The following MAP3K12 variants were observed in gnomAD, a reference collection of about 807,000 sequenced individuals.
MAP3K12 encodes MAPK-upstream kinase.
A neutral mutation model predicts 87.5 loss-of-function variants in MAP3K12; 14 were observed. The observed-to-expected ratio is 0.16, with a 90% CI of 0.11 to 0.25. The LOEUF (loss-of-function observed/expected upper bound fraction) is 0.25, where lower values mean the gene tolerates loss of function less well. MAP3K12 is among the 10% of genes least tolerant of loss of function. MAP3K12 has a pLI of 1.00. For synonymous variants in MAP3K12, 469 were observed against 452.5 expected (o/e 1.04, Z -0.46); for missense variants, 802 against 1,140.4 (o/e 0.70, Z 4.27).
In MAP3K12 at chr12:53,482,649, G is replaced by A. The variant is rs747887834; in HGVS notation, c.2154C>T (p.Thr718=). 1.1e-5 allele frequency: 18 copies of A among 1,613,850 alleles called. No homozygotes were observed. The highest frequency in any genetic ancestry group is 1.6e-4 in the Middle Eastern group (1 of 6,084). Residue 718 remains threonine (T), a synonymous_variant, in exon 11 of 14, where the codon ACC becomes ACT. Transcript: ENST00000547488. ...CAGCCCGGCTTCCTCCCCGGCCTGA[G>A]GTCCCTTCCCTTCCAGTTCCCAGAA... ...VGLLGTGREG[T]SGRGGSRAGS... is the part of the protein sequence containing the mutation.
rs773593022 is a variant in MAP3K12 at position 53,484,296 on chromosome 12, A to G, written c.1209T>C (p.Asp403=). 1.2e-6 allele frequency: 2 copies of G among 1,614,180 alleles called. No homozygotes were observed. Among genetic ancestry groups the G allele is most frequent in the Non-Finnish European group, 1.7e-6 (2 of 1,180,018 alleles). Residue 403 remains aspartate (D), a synonymous_variant, in exon 7 of 14, where the codon GAT becomes GAC. Coordinates refer to ENST00000547488, the MANE Select transcript of MAP3K12 (RefSeq NM_001193511.2). ...AAGTCTCCTGGGGTGTGGAGAGTAC[A>G]TCAGCTGAGGCAATGTCCAGATGCA... The part of the protein sequence containing the change: ...ILLHLDIASA[D]VLSTPQETYF...
chr12:53,486,627 G>A lies in MAP3K12; in HGVS notation c.446-5C>T, dbSNP rs1246445357. The A allele has an allele frequency of 3.9e-5, 62 of 1,579,182 alleles. No homozygotes were observed. Among genetic ancestry groups the A allele is most frequent in the Non-Finnish European group, 5.0e-5 (58 of 1,163,214 alleles). On this transcript the variant is annotated splice_polypyrimidine_tract_variant and splice_region_variant and intron_variant, in intron 2 of 13. Coordinates refer to ENST00000547488, the MANE Select transcript of MAP3K12 (RefSeq NM_001193511.2). This position sits in a 1 kb window ranked among gnomAD's most constrained non-coding sequence, Gnocchi z 4.9. ...CAAAGGGGACCTCCCAAAGGTCTGTGGGCAGGAGGCACAGTGCCACAAGCC... is the reference window on the plus strand; with the variant it reads ...CAAAGGGGACCTCCCAAAGGTCTGTAGGCAGGAGGCACAGTGCCACAAGCC...
rs375637895 is a variant in MAP3K12 at position 53,483,196 on chromosome 12, G to A, written c.1614-7C>T. 1.5e-4 allele frequency: 234 copies of A among 1,525,784 alleles called. No individual in the cohort carries two copies. The South Asian group carries it at 2.3e-3, about 15-fold the overall frequency. The allele number at this position is 1,525,784 out of a possible 1,614,324, so 94.5% of individuals were successfully genotyped here. ...CGTCTTGAGGATATCTGGCCTGGAA[G>A]AAGAGGAAAAGTAAAAGGTTAAGAC... On this transcript the variant is annotated splice_region_variant and splice_polypyrimidine_tract_variant and intron_variant, in intron 10 of 13. Transcript: ENST00000547488.
chr12:53,486,910 G>A lies in MAP3K12; in HGVS notation c.445+37C>T, dbSNP rs757228110. 22 of 1,606,460 alleles carry A rather than the reference G, an allele frequency of 1.4e-5. No individual in the cohort carries two copies. Among genetic ancestry groups the A allele is most frequent in the Non-Finnish European group, 1.9e-5 (22 of 1,174,538 alleles). On this transcript the variant is annotated intron_variant, in intron 2 of 13. Transcript: ENST00000547488. This position sits in a 1 kb window ranked among gnomAD's most constrained non-coding sequence, Gnocchi z 4.9. ...CTGACCAACAGATCTCGGGCTCAGG[G>A]AAACAGAGAGGAGGCTCCCACAAGG...
At chr12:53,482,254 G>C (rs377203611) in intron 12 of MAP3K12, 43 bp from the exon 13 acceptor site, 1 of 1,614,116 alleles carries the variant, frequency 6.2e-7, no homozygotes, top group East Asian at 2.2e-5. Context: ...TCTGCCCCTA[G>C]CAGAAAACAA....
At position 53,486,404 on chromosome 12, in the gene MAP3K12, T is replaced by C; in HGVS notation, c.629+35A>G. The C allele has an allele frequency of 6.2e-7, 1 of 1,609,122 alleles. No individual in the cohort carries two copies. Among genetic ancestry groups the C allele is most frequent in the Non-Finnish European group, 8.5e-7 (1 of 1,177,030 alleles). ...AGGAGGGTACCAGGCCTTAGCATAGTATCCCCAACACCCAGCCCCTGCCCT... is the reference window on the plus strand; with the variant it reads ...AGGAGGGTACCAGGCCTTAGCATAGCATCCCCAACACCCAGCCCCTGCCCT... On this transcript the variant is annotated intron_variant, in intron 3 of 13. Coordinates refer to ENST00000547488, the MANE Select transcript of MAP3K12 (RefSeq NM_001193511.2). The surrounding 1 kb of genome is among the most constrained non-coding windows in gnomAD (Gnocchi z 4.9).
intron 1 of MAP3K12, 30 bp from the exon 2 acceptor site, chr12:53,487,458 C>G (rs970264014): frequency 2.6e-6 from 4 of 1,542,070 alleles, no homozygotes; most frequent in Admixed American, 3.9e-5. Flanking sequence ...AGGGGCTGGG[C>G]TGTTAAAGCC....
At chr12:53,491,336 A>ATGT (rs1305859826) in intron 1 of MAP3K12, among the ~76,000 whole-genome samples, 1 of 149,066 alleles carries the variant, frequency 6.7e-6, no homozygotes, top group Non-Finnish European at 1.5e-5. Flanking sequence ...CTTACTAAGT[A>ATGT]TGTTAGCTTC....
rs1329710501 is a variant in MAP3K12, at chr12:53,484,913, A to C, written c.1139+143T>G. The C allele has an allele frequency of 5.6e-6, 6 of 1,076,268 alleles. No homozygotes were observed. The Admixed American group carries it at 9.0e-5, about 16-fold the overall frequency. The allele number at this position is 1,076,268 out of a possible 1,614,324, so 66.7% of individuals were successfully genotyped here. A position where few individuals can be genotyped will look rare whatever the true frequency, so the allele number is the denominator to read the frequency against. On this transcript the variant is annotated intron_variant, in intron 6 of 13. Transcript: ENST00000547488. ...CCAATTACCCCTGGTGACTCAGCTC[A>C]GAAGGTAGCATGAGCCTGATTCAGA...
In MAP3K12 at chr12:53,480,812, T is replaced by C. The variant is rs1017202245; in HGVS notation, c.*370A>G. ...GTAAACGGAACAGAAAAGTGCAGTC[T>C]AAGTGGTTTTCTCTCCTGCCCCTCC... is the stretch of plus-strand genomic sequence containing the variant. On this transcript the variant is annotated 3_prime_UTR_variant, in exon 14 of 14. Transcript: ENST00000547488. 1.3e-5 allele frequency: 2 copies of C among 152,584 alleles called. No individual in the cohort carries two copies. Among genetic ancestry groups the C allele is most frequent in the African/African-American group, 4.8e-5 (2 of 41,390 alleles). The allele number at this position is 152,584 out of a possible 1,614,324, so 9.5% of individuals were successfully genotyped here. A position where few individuals can be genotyped will look rare whatever the true frequency, so the allele number is the denominator to read the frequency against.
chr12:53,499,898 C>T (rs942833821), upstream of MAP3K12: 4 of 152,336 alleles, frequency 2.6e-5, no homozygotes, highest in African/African-American at 9.6e-5. Flanking sequence ...GTCTTATAGA[C>T]TCCTTTCTAC....
intron 1 of MAP3K12, among the ~76,000 whole-genome samples, 175 bp downstream of exon 1, chr12:53,499,252 C>T (rs1943620414): frequency 6.6e-6 from 1 of 152,020 alleles, no homozygotes; most frequent in African/African-American, 2.4e-5. Context: ...TCCTTCCCAG[C>T]CCCACAGGCG....
chr12:53,485,037 C>A lies in MAP3K12; in HGVS notation c.1139+19G>T. 6.2e-7 allele frequency: 1 copy of A among 1,614,042 alleles called. No individual in the cohort carries two copies. The highest frequency in any genetic ancestry group is 2.2e-5 in the East Asian group (1 of 44,884). On this transcript the variant is annotated intron_variant, in intron 6 of 13. Coordinates refer to ENST00000547488, the MANE Select transcript of MAP3K12 (RefSeq NM_001193511.2). ...CTCAACTTCTCCAGGCCCAGTATCC[C>A]AGCCCAGACCATCCTTACCAGCACT...
At chr12:53,488,567 A>G (rs1943305529) in intron 1 of MAP3K12, among the ~76,000 whole-genome samples, 1 of 152,144 alleles carries the variant, frequency 6.6e-6, no homozygotes, top group Admixed American at 6.5e-5. Flanking sequence ...AGGCTGAGGC[A>G]GAAGAATTGC....
chr12:53,499,792 C>T (rs1335454006), upstream of MAP3K12, among the ~76,000 whole-genome samples: 1 of 152,234 alleles, frequency 6.6e-6, no homozygotes, highest in African/African-American at 2.4e-5. Context: ...AGGCTCGTAC[C>T]TGGCCCGCCT....
intron 12 of MAP3K12, 35 bp downstream of exon 12, chr12:53,482,262 CAA>C: frequency 1.9e-6 from 3 of 1,614,110 alleles, no homozygotes; most frequent in Non-Finnish European, 2.5e-6. Flanking sequence ...TAGCAGAAAA[CAA>C]GAATGCCATT....
In MAP3K12 at chr12:53,482,024, G is replaced by T. The variant is rs953229638; in HGVS notation, c.2497C>A (p.Leu833Met). 6.2e-7 allele frequency: 1 copy of T among 1,614,098 alleles called. No individual in the cohort carries two copies. The highest frequency in any genetic ancestry group is 2.2e-5 in the East Asian group (1 of 44,892). The stretch of plus-strand genomic sequence containing the variant: ...ATGACCTCTGAAGGAGGTGGGTCCA[G>T]TGGGATTTCTGAGCCCTGGGAGCAC... ...DMCSQGSEIP[L>M]DPPPSEVIPG... The change falls in exon 13 of 14, where the codon CTG becomes ATG. Residue 833 changes from leucine to methionine, a missense_variant. Coordinates refer to ENST00000547488, the MANE Select transcript of MAP3K12 (RefSeq NM_001193511.2).
chr12:53,499,559 T>A (rs1243726338), upstream of MAP3K12: 3 of 151,830 alleles, frequency 2.0e-5, no homozygotes, highest in Non-Finnish European at 4.4e-5. Context: ...CCCGGGGCGC[T>A]GTCACAGGCG....
chr12:53,484,861 G>A (rs887665477), intron 6 of MAP3K12, 195 bp downstream of exon 6: 1 of 647,376 alleles, frequency 1.5e-6, no homozygotes. Context: ...GTATTTTATA[G>A]ATGAGGAAAC....
Sources: gnomAD v4.1 joint callset for allele counts (sites outside exome capture counted in the v4.1 genomes callset) on GRCh38, gnomAD v4.1.1 for gene constraint, Gnocchi (gnomAD v3.1) non-coding constraint, MANE v1.5 for transcripts, NCBI Gene and HGNC (gene_info 2026-07-23, HGNC 2026-07-21) for gene names.